Variants in VGLL4 observed in about 807,000 individuals in gnomAD.
VGLL4 encodes vestigial like family member 4.
In VGLL4, 7 loss-of-function variants were observed where a neutral mutation model predicts 21.0. The ratio of observed to expected loss-of-function variants is 0.33; its 90% CI spans 0.19 to 0.63. The LOEUF is 0.63. Among genes scored for constraint, VGLL4 ranks in the 20% least tolerant of loss-of-function variants. VGLL4 has a pLI of 0.78. For missense variants in VGLL4, 394 were observed against 425.7 expected, an observed-to-expected ratio of 0.93 and a Z score of 0.66; for synonymous variants, 222 against 173.2, an observed-to-expected ratio of 1.28 and a Z score of -2.21.
intron 1 of VGLL4, among the ~76,000 whole-genome samples, chr3:11,639,917 C>T (rs552035129): frequency 6.6e-6 from 1 of 152,140 alleles, no homozygotes; most frequent in African/African-American, 2.4e-5. Context: ...GGAGAGGCAG[C>T]ACGGCATAGA....
At chr3:11,569,060 TC>T in intron 2 of VGLL4, 1 of 470,008 alleles carries the variant, frequency 2.1e-6, no homozygotes, top group Non-Finnish European at 2.8e-6. Context: ...ACCAAGAATG[TC>T]CATAACATCT....
At chr3:11,627,001 G>A (rs1169086097) in intron 1 of VGLL4, among the ~76,000 whole-genome samples, 1 of 152,074 alleles carries the variant, frequency 6.6e-6, no homozygotes, top group Non-Finnish European at 1.5e-5. Flanking sequence ...TGGCAAACAT[G>A]CAAACGAGTG....
upstream of VGLL4, among the ~76,000 whole-genome samples, chr3:11,647,705 C>T (rs1029497123): frequency 1.3e-5 from 2 of 152,128 alleles, no homozygotes; most frequent in African/African-American, 2.4e-5. Context: ...CCTAGATCTT[C>T]GGAGCAAGGA....
At chr3:11,574,717 C>G (rs1293179436) in intron 2 of VGLL4, among the ~76,000 whole-genome samples, 1 of 151,482 alleles carries the variant, frequency 6.6e-6, no homozygotes, top group African/African-American at 2.4e-5. Flanking sequence ...CATCACTCTA[C>G]ATGACACATG....
chr3:11,651,745 A>C (rs2075876041), intron 2 of VGLL4, among the ~76,000 whole-genome samples: 1 of 151,766 alleles, frequency 6.6e-6, no homozygotes, highest in East Asian at 1.9e-4. Context: ...ACCAGGGAGT[A>C]GCTGATTTAA....
Position 11,719,795 on chromosome 3 carries a change from C to A in VGLL4, c.-14+599G>T, listed in dbSNP as rs1408758032. Among the ~76,000 whole-genome samples the A allele has an allele frequency of 6.6e-6, 1 of 152,074 alleles. No homozygotes were observed. The highest frequency in any genetic ancestry group is 1.5e-5 in the Non-Finnish European group (1 of 67,992). The stretch of plus-strand genomic sequence containing the variant: ...GCGGCAGGGAGAGGCCGCTTTCCCT[C>A]CCCCGCCAGCTGCGCGCCCGGTGCC... On this transcript the variant is annotated intron_variant, in intron 1 of 5. Transcript: ENST00000273038. The surrounding 1 kb of genome is among the most constrained non-coding windows in gnomAD (Gnocchi z 4.0).
At chr3:11,562,667 A>T (rs1332534951) in intron 3 of VGLL4, among the ~76,000 whole-genome samples, 2 of 152,230 alleles carry the variant, frequency 1.3e-5, no homozygotes. Flanking sequence ...CTGCCGCAGG[A>T]AGGAGCCCCA....
chr3:11,640,769 A>G (rs1184134019), intron 1 of VGLL4, among the ~76,000 whole-genome samples: 1 of 152,186 alleles, frequency 6.6e-6, no homozygotes, highest in Non-Finnish European at 1.5e-5. Context: ...TGTATGCTAC[A>G]AGGTAAACGG....
At chr3:11,618,091 T>C (rs879144354) in intron 1 of VGLL4, among the ~76,000 whole-genome samples, 2 of 152,200 alleles carry the variant, frequency 1.3e-5, no homozygotes, top group Non-Finnish European at 2.9e-5. Flanking sequence ...TAATAATGCA[T>C]ACTTATAGAG....
At chr3:11,611,141 A>AGGGGGC (rs2075053524) in intron 1 of VGLL4, among the ~76,000 whole-genome samples, 1 of 18,074 alleles carries the variant, frequency 5.5e-5, no homozygotes, top group Non-Finnish European at 1.1e-4. Flanking sequence ...AGAGAGGGGG[A>AGGGGGC]GGGGGCGGGA....
intron 2 of VGLL4, among the ~76,000 whole-genome samples, chr3:11,595,855 A>AG: frequency 5.2e-4 from 1 of 1,926 alleles, no homozygotes; most frequent in Non-Finnish European, 1.4e-3. Flanking sequence ...GGGGGCGGGG[A>AG]ATAGCATTAG....
chr3:11,644,027 T>G, upstream of VGLL4: 1 of 978,570 alleles, frequency 1.0e-6, no homozygotes, highest in Non-Finnish European at 1.2e-6. Context: ...AGCCTCTCAA[T>G]GTAGCAAGTG....
chr3:11,692,007 A>G (rs2076533876), intron 2 of VGLL4, among the ~76,000 whole-genome samples: 1 of 149,728 alleles, frequency 6.7e-6, no homozygotes. Flanking sequence ...AAAAAGAACT[A>G]CTTCATCCAA....
chr3:11,604,523 C>A, intron 1 of VGLL4: 1 of 946,606 alleles, frequency 1.1e-6, no homozygotes, highest in Non-Finnish European at 1.2e-6. Flanking sequence ...TGGCCTTAAC[C>A]CAACACTTGT....
intron 2 of VGLL4, among the ~76,000 whole-genome samples, chr3:11,576,395 C>G (rs921924790): frequency 2.6e-5 from 4 of 152,212 alleles, no homozygotes; most frequent in African/African-American, 7.2e-5. Flanking sequence ...TGTAATCTCT[C>G]AAGGAATATG....
intron 2 of VGLL4, among the ~76,000 whole-genome samples, chr3:11,661,564 G>A (rs1359243781): frequency 6.6e-6 from 1 of 151,816 alleles, no homozygotes; most frequent in Non-Finnish European, 1.5e-5. Flanking sequence ...TTTGCCTCCT[G>A]GGTTCAAGCG....
chr3:11,663,631 T>C (rs570906583), intron 2 of VGLL4, among the ~76,000 whole-genome samples: 16 of 152,178 alleles, frequency 1.1e-4, no homozygotes, highest in African/African-American at 3.6e-4. Flanking sequence ...GGCGGGAGAA[T>C]AGCTTGAACC....
chr3:11,582,660 T>C (rs954767053), intron 2 of VGLL4, among the ~76,000 whole-genome samples: 3 of 152,206 alleles, frequency 2.0e-5, no homozygotes, highest in African/African-American at 7.2e-5. Context: ...CATAAGGCTT[T>C]TATAAAACTT....
At chr3:11,671,210 CA>C in intron 2 of VGLL4, 1 of 1,549,518 alleles carries the variant, frequency 6.5e-7, no homozygotes, top group African/African-American at 1.4e-5. Context: ...TAATTAATTT[CA>C]ATTAAGAAAT....
Sources: gnomAD v4.1 joint callset for allele counts (sites outside exome capture counted in the v4.1 genomes callset) on GRCh38, gnomAD v4.1.1 for gene constraint, Gnocchi (gnomAD v3.1) non-coding constraint, MANE v1.5 for transcripts, NCBI Gene and HGNC (gene_info 2026-07-23, HGNC 2026-07-21) for gene names.